The following ANKDD1A variants were observed in gnomAD, a reference collection of about 807,000 sequenced individuals.
ANKDD1A encodes the protein ankyrin repeat and death domain containing 1A, also known as ankyrin repeat and death domain-containing protein 1A.
In ANKDD1A, 59 loss-of-function variants were observed where a neutral mutation model predicts 63.5. The ratio of observed to expected loss-of-function variants is 0.93; its 90% CI spans 0.75 to 1.15. ANKDD1A has a LOEUF of 1.15. Ranked by LOEUF, ANKDD1A falls within the 50% of genes most tolerant of loss-of-function variation. The pLI is 0.00. For synonymous variants in ANKDD1A, 266 were observed against 263.9 expected, an observed-to-expected ratio of 1.01 and a Z score of -0.08; for missense variants, 632 against 656.4, an observed-to-expected ratio of 0.96 and a Z score of 0.41.
chr15:64,927,137 T>G, intron 6 of ANKDD1A, 138 bp downstream of exon 6: 1 of 857,060 alleles, frequency 1.2e-6, no homozygotes, highest in Non-Finnish European at 1.9e-6. Flanking sequence ...AGAGTGTATT[T>G]AGTGTTCATC....
chr15:64,951,932 CCT>C (rs2085292120), intron 14 of ANKDD1A, among the ~76,000 whole-genome samples: 8 of 111,934 alleles, frequency 7.1e-5, no homozygotes, highest in Non-Finnish European at 1.4e-4. Flanking sequence ...TCCTCTTCTT[CCT>C]TTCTTTTCTT....
intron 14 of ANKDD1A, among the ~76,000 whole-genome samples, chr15:64,951,847 CTTCTTTCTTCTTCCTCTTCTTT>C (rs2085289123): frequency 2.6e-5 from 3 of 113,958 alleles, no homozygotes; most frequent in South Asian, 3.0e-4. Flanking sequence ...ATTCTTTCTT[CTTCTTTCTTCTTCCTCTTCTTT>C]TTCTTTCTTC....
chr15:64,935,946 CAA>C (rs1262183171), intron 9 of ANKDD1A, among the ~76,000 whole-genome samples: 1 of 152,032 alleles, frequency 6.6e-6, no homozygotes, highest in African/African-American at 2.4e-5. Context: ...AATTTAAAAA[CAA>C]GAGGCTTTGG....
At chr15:64,916,039 T>A in intron 2 of ANKDD1A, 139 bp downstream of exon 2, 1 of 781,548 alleles carries the variant, frequency 1.3e-6, no homozygotes, top group Non-Finnish European at 2.0e-6. Context: ...GGCTCTGTCC[T>A]CATGGCCTGC....
chr15:64,954,010 CCTTCTTTCCTCTT>C (rs1395047964), intron 14 of ANKDD1A, among the ~76,000 whole-genome samples: 5 of 92,944 alleles, frequency 5.4e-5, no homozygotes, highest in Non-Finnish European at 8.3e-5. Flanking sequence ...CTTTCTTCTT[CCTTCTTTCCTCTT>C]CTTTTCTTTC....
intron 9 of ANKDD1A, 80 bp downstream of exon 9, chr15:64,934,314 A>C: frequency 7.3e-7 from 1 of 1,364,824 alleles, no homozygotes; most frequent in Non-Finnish European, 1.0e-6. Context: ...AGGGAGAAAC[A>C]GGCACATCGG....
intron 5 of ANKDD1A, among the ~76,000 whole-genome samples, 160 bp downstream of exon 5, chr15:64,926,330 C>T (rs138242139): frequency 2.3e-4 from 35 of 152,078 alleles, no homozygotes; most frequent in East Asian, 7.7e-4. Context: ...GGTGTTGAGG[C>T]GCAAATGAGC....
At chr15:64,946,263 TATAA>T (rs890154858) in intron 12 of ANKDD1A, among the ~76,000 whole-genome samples, 13 of 152,316 alleles carry the variant, frequency 8.5e-5, no homozygotes, top group African/African-American at 3.1e-4. Flanking sequence ...AACTTAAACC[TATAA>T]ATAATCTCAA....
intron 12 of ANKDD1A, among the ~76,000 whole-genome samples, chr15:64,946,164 A>G (rs2085221060): frequency 6.6e-6 from 1 of 152,178 alleles, no homozygotes; most frequent in African/African-American, 2.4e-5. Context: ...TAAACATTGA[A>G]ACTGAATAAA....
At chr15:64,935,634 C>T (rs1170870785) in intron 9 of ANKDD1A, among the ~76,000 whole-genome samples, 3 of 151,840 alleles carry the variant, frequency 2.0e-5, no homozygotes, top group Non-Finnish European at 2.9e-5. Flanking sequence ...GAGATCGCAC[C>T]ACTGCACTCC....
At chr15:64,932,503 A>G (rs546126703) in intron 8 of ANKDD1A, 2 of 152,088 alleles carry the variant, frequency 1.3e-5, no homozygotes, top group African/African-American at 2.4e-5. Flanking sequence ...ATTCTCCTCT[A>G]TGACCTGGAA....
Position 64,947,492 on chromosome 15 carries a change from G to A in ANKDD1A, c.1250G>A (p.Arg417Gln), listed in dbSNP as rs201425371. 1.8e-4 allele frequency: 298 copies of A among 1,613,922 alleles called. 2 individuals are homozygous for A. The East Asian group carries it at 4.9e-3, about 26-fold the overall frequency. Reference protein sequence around the residue: ...ETQQLRSVLWRLASRYLQPRE... With the variant: ...ETQQLRSVLWQLASRYLQPRE... ...CAGCAGCTCCGTTCTGTGCTGTGGC[G>A]GCTGGCCTCCAGGTATCTGCAGCCC... The change falls in exon 13 of 15, where the codon CGG becomes CAG. Residue 417 changes from arginine to glutamine, a missense_variant. Arg to Gln is a conservative substitution (Grantham distance 43). Coordinates refer to ENST00000319580, the MANE Select transcript of ANKDD1A (RefSeq NM_182703.6).
At chr15:64,942,283 T>C (rs2085190130) in intron 9 of ANKDD1A, among the ~76,000 whole-genome samples, 184 bp from the exon 10 acceptor site, 2 of 152,058 alleles carry the variant, frequency 1.3e-5, no homozygotes, top group African/African-American at 2.4e-5. Context: ...GAGGATCAGT[T>C]TGGGGCTCCA....
At chr15:64,951,328 CTCTTTTTCTTTCTTCTT>C (rs2085269762) in intron 14 of ANKDD1A, 55 of 693,436 alleles carry the variant, frequency 7.9e-5, no homozygotes, top group Non-Finnish European at 7.9e-5. Flanking sequence ...TTCTTCTTTC[CTCTTTTTCTTTCTTCTT>C]TCCTCTTCTT....
At chr15:64,942,599 G>A (rs765459553) in intron 10 of ANKDD1A, 34 bp downstream of exon 10, 1 of 1,578,634 alleles carries the variant, frequency 6.3e-7, no homozygotes, top group Non-Finnish European at 8.6e-7. Flanking sequence ...GGGCCCCAGG[G>A]AGCTTCTGGA....
At chr15:64,952,764 TCCTTTC>T (rs1381477332) in intron 14 of ANKDD1A, among the ~76,000 whole-genome samples, 23 of 139,574 alleles carry the variant, frequency 1.6e-4, no homozygotes, top group Admixed American at 6.1e-4. Flanking sequence ...CTCCTCCTCC[TCCTTTC>T]TTTTCTTCTT....
At position 64,915,818 on chromosome 15, in the gene ANKDD1A, T is replaced by C. The variant is rs1595845440; in HGVS notation, c.56T>C (p.Leu19Pro). 1 of 1,613,978 alleles carries C rather than the reference T, an allele frequency of 6.2e-7. No individual in the cohort carries two copies. ...TDGLLPLERQ[L>P]HEAARQNNVG... is the part of the protein sequence containing the mutation. ...ACAGTGCTTCCTCTGGAGAGGCAGC[T>C]CCACGAGGCCGCCCGCCAGAACAAT... is the stretch of plus-strand genomic sequence containing the variant. The change falls in exon 2 of 15, where the codon CTC (leucine) becomes CCC (proline). Residue 19 changes from leucine to proline, a missense_variant. Transcript: ENST00000319580.
At chr15:64,935,719 C>G (rs1487612526) in intron 9 of ANKDD1A, among the ~76,000 whole-genome samples, 1 of 151,606 alleles carries the variant, frequency 6.6e-6, no homozygotes, top group African/African-American at 2.4e-5. Flanking sequence ...TGGTGTATCC[C>G]TGTAATCCCA....
intron 5 of ANKDD1A, 119 bp downstream of exon 5, chr15:64,926,289 A>T (rs1595848703): frequency 6.8e-6 from 7 of 1,027,052 alleles, no homozygotes; most frequent in Admixed American, 6.6e-5. Flanking sequence ...GGCATATTGC[A>T]CCTGGCCTGG....
Sources: allele counts gnomAD v4.1 joint callset (sites outside exome capture counted in the v4.1 genomes callset), GRCh38; gene constraint gnomAD v4.1.1; transcripts MANE v1.5; gene names NCBI Gene and HGNC (gene_info 2026-07-23, HGNC 2026-07-21).